Variants in ABCG8 observed in about 807,000 individuals in gnomAD.
ABCG8 encodes the protein ATP-binding cassette sub-family G member 8.
ABCG8 carries 81 observed loss-of-function variants against 71.3 expected under a neutral mutation model. The ratio of observed to expected loss-of-function variants is 1.14; its 90% CI spans 0.95 to 1.37. The LOEUF (loss-of-function observed/expected upper bound fraction) is 1.37. Among genes scored for constraint, ABCG8 ranks in the 40% most tolerant of loss-of-function variants. The probability of loss-of-function intolerance (pLI) is 0.00; values close to 1 mark genes in which losing one functional copy is unlikely to be tolerated. For missense variants in ABCG8, 1,119 were observed against 866.2 expected (o/e 1.29, Z -3.66); for synonymous variants, 451 against 354.7 (o/e 1.27, Z -3.05).
At chr2:43,845,290 G>C (rs537640534) in intron 2 of ABCG8, among the ~76,000 whole-genome samples, 1 of 152,040 alleles carries the variant, frequency 6.6e-6, no homozygotes, top group Admixed American at 6.5e-5. Flanking sequence ...CTGGGATGGT[G>C]AACTTCAGAG....
intron 6 of ABCG8, among the ~76,000 whole-genome samples, chr2:43,857,396 T>C (rs949228114): frequency 3.3e-5 from 5 of 151,918 alleles, no homozygotes; most frequent in African/African-American, 1.2e-4. Context: ...TCTCACTATC[T>C]ATCTGGATAG....
intron 6 of ABCG8, among the ~76,000 whole-genome samples, chr2:43,868,733 G>C (rs1669635113): frequency 6.7e-6 from 1 of 148,448 alleles, no homozygotes; most frequent in South Asian, 2.2e-4. Flanking sequence ...TCCCACTATC[G>C]ATCAGGATAG....
At chr2:43,867,276 G>A (rs1669562722) in intron 6 of ABCG8, among the ~76,000 whole-genome samples, 1 of 151,854 alleles carries the variant, frequency 6.6e-6, no homozygotes, top group African/African-American at 2.4e-5. Flanking sequence ...CAGCGCACCA[G>A]CATGTCACAC....
At chr2:43,859,165 G>A (rs1049252917) in intron 6 of ABCG8, among the ~76,000 whole-genome samples, 2 of 146,596 alleles carry the variant, frequency 1.4e-5, no homozygotes, top group Admixed American at 6.8e-5. Context: ...TTCTCACTCT[G>A]TGGATAGAAC....
At position 43,877,984 on chromosome 2, in the gene ABCG8, C is replaced by T. The variant is rs573740275; in HGVS notation, c.*71C>T. The T allele has an allele frequency of 1.1e-5, 17 of 1,604,290 alleles. No homozygotes were observed. The highest frequency in any genetic ancestry group is 1.4e-5 in the Non-Finnish European group (16 of 1,173,024). On this transcript the variant is annotated 3_prime_UTR_variant, in exon 13 of 13. Transcript: ENST00000272286. Reference sequence around the variant, plus strand: ...TTCAACTGCACTCCCTCCTCAGGAGCCCCTTCCTGGGGACAGTGAGGACAA... The same window carrying T: ...TTCAACTGCACTCCCTCCTCAGGAGTCCCTTCCTGGGGACAGTGAGGACAA...
chr2:43,851,639 G>C lies in ABCG8; in HGVS notation c.378G>C (p.Lys126Asn), dbSNP rs1470752946. The C allele has an allele frequency of 1.2e-6, 2 of 1,614,242 alleles. No homozygotes were observed. Among genetic ancestry groups the C allele is most frequent in the African/African-American group, 1.3e-5 (1 of 75,068 alleles). ...DVITGRGHGG[K>N]IKSGQIWING... Reference sequence around the variant, plus strand: ...TCACTGGCCGAGGTCACGGCGGCAAGATCAAGTCAGGCCAGATCTGGATCA... The same window carrying C: ...TCACTGGCCGAGGTCACGGCGGCAACATCAAGTCAGGCCAGATCTGGATCA... The change falls in exon 4 of 13, where the codon AAG (lysine) becomes AAC (asparagine). Residue 126 changes from lysine to asparagine, a missense_variant. Physicochemically the swap from Lys to Asn is moderately conservative, Grantham distance 94. Transcript: ENST00000272286.
At chr2:43,849,179 G>A (rs535958849) in intron 3 of ABCG8, among the ~76,000 whole-genome samples, 79 of 152,234 alleles carry the variant, frequency 5.2e-4, no homozygotes, top group African/African-American at 1.8e-3. Flanking sequence ...GAATGCCAGT[G>A]GGTGTTTTGT....
At chr2:43,855,953 G>C (rs930333740) in intron 6 of ABCG8, among the ~76,000 whole-genome samples, 6 of 151,302 alleles carry the variant, frequency 4.0e-5, no homozygotes, top group African/African-American at 1.2e-4. Flanking sequence ...TAACTCTCTG[G>C]ATAGAACTCT....
intron 1 of ABCG8, among the ~76,000 whole-genome samples, chr2:43,841,692 C>T (rs977343787): frequency 1.3e-5 from 2 of 152,104 alleles, no homozygotes; most frequent in Admixed American, 6.5e-5. Context: ...AACAAGCAAC[C>T]AGGCACCTCT....
intron 5 of ABCG8, 24 bp downstream of exon 5, chr2:43,852,510 G>C: frequency 1.2e-6 from 2 of 1,613,786 alleles, no homozygotes; most frequent in Non-Finnish European, 1.7e-6. Context: ...GGGCAGATGG[G>C]GGCAGAGGGA....
chr2:43,852,897 C>T (rs767344649), intron 6 of ABCG8, 29 bp downstream of exon 6: 4 of 1,611,110 alleles, frequency 2.5e-6, no homozygotes, highest in East Asian at 2.2e-5. Context: ...CAGCCAGGGC[C>T]CTGGCACACA....
At chr2:43,842,752 C>G (rs547218646) in intron 1 of ABCG8, among the ~76,000 whole-genome samples, 2 of 150,136 alleles carry the variant, frequency 1.3e-5, no homozygotes, top group South Asian at 4.3e-4. Context: ...GATAACCCCT[C>G]TCCTGAATTA....
In ABCG8 at chr2:43,872,315, C is replaced by G. The variant is rs761376730; in HGVS notation, c.1211+9C>G. On this transcript the variant is annotated intron_variant, in intron 8 of 12. Transcript: ENST00000272286. Reference sequence around the variant, plus strand: ...TTTACGACGCTGATCCGGTAATTATCTGTCATTTTATTACTGAACCCGCCC... The same window carrying G: ...TTTACGACGCTGATCCGGTAATTATGTGTCATTTTATTACTGAACCCGCCC... The G allele has an allele frequency of 1.5e-5, 24 of 1,612,574 alleles. No homozygotes were observed. Among genetic ancestry groups the G allele is most frequent in the Middle Eastern group, 3.3e-4 (2 of 6,080 alleles).
intron 3 of ABCG8, chr2:43,847,121 T>C (rs569118215): frequency 2.0e-5 from 3 of 152,540 alleles, no homozygotes; most frequent in South Asian, 4.1e-4. Flanking sequence ...ACTAGAACTT[T>C]GGTTTCATCA....
At chr2:43,864,868 A>AT (rs1669465711) in intron 6 of ABCG8, among the ~76,000 whole-genome samples, 1 of 136,676 alleles carries the variant, frequency 7.3e-6, no homozygotes, top group Non-Finnish European at 1.6e-5. Context: ...GTCTATCTGG[A>AT]CGGAATTCTC....
chr2:43,849,660 C>A (rs1668854125), intron 3 of ABCG8, among the ~76,000 whole-genome samples: 1 of 152,174 alleles, frequency 6.6e-6, no homozygotes, highest in African/African-American at 2.4e-5. Flanking sequence ...AAAACGTGGC[C>A]TTCCTGCTTT....
chr2:43,880,559 G>A lies in ABCG8; in HGVS notation c.*2646G>A, dbSNP rs762269364. The A allele has an allele frequency of 1.3e-5, 2 of 152,026 alleles. No homozygotes were observed. Among genetic ancestry groups the A allele is most frequent in the Non-Finnish European group, 2.9e-5 (2 of 67,988 alleles). The allele number at this position is 152,026 out of a possible 1,614,324, so 9.4% of individuals were successfully genotyped here. A position where few individuals can be genotyped will look rare whatever the true frequency, so the allele number is the denominator to read the frequency against. ...TCTGGGTTCCTCTTAGTGGAAAATG[G>A]TATTTAGAAGCCAAGGTTTTGGTGA... On this transcript the variant is annotated 3_prime_UTR_variant, in exon 13 of 13. Coordinates refer to ENST00000272286, the MANE Select transcript of ABCG8 (RefSeq NM_022437.3).
At chr2:43,849,296 A>G (rs1668840603) in intron 3 of ABCG8, among the ~76,000 whole-genome samples, 1 of 151,926 alleles carries the variant, frequency 6.6e-6, no homozygotes, top group Non-Finnish European at 1.5e-5. Flanking sequence ...AGAGTTCCTC[A>G]TGGCTGGGGA....
Position 43,852,747 on chromosome 2 carries a change from T to C in ABCG8, c.843T>C (p.Asp281=). 1 of 1,614,150 alleles carries C rather than the reference T, an allele frequency of 6.2e-7. No homozygotes were observed. Among genetic ancestry groups the C allele is most frequent in the Non-Finnish European group, 8.5e-7 (1 of 1,180,034 alleles). The change falls in exon 6 of 13, where the codon GAT becomes GAC. Residue 281 remains aspartate (D), a synonymous_variant. Transcript: ENST00000272286. ...QPRSDIFRLF[D]LVLLMTSGTP... ...GCTCTGACATCTTCAGGCTGTTTGA[T>C]CTGGTCCTCCTGATGACGTCTGGCA... is the stretch of plus-strand genomic sequence containing the variant.
Sources: gnomAD v4.1 joint callset for allele counts (sites outside exome capture counted in the v4.1 genomes callset) on GRCh38, gnomAD v4.1.1 for gene constraint, MANE v1.5 for transcripts, NCBI Gene and HGNC (gene_info 2026-07-23, HGNC 2026-07-21) for gene names.